The following R3HDM1 variants were observed in gnomAD, a reference collection of about 807,000 sequenced individuals.
R3HDM1 encodes the protein R3H domain containing 1.
In R3HDM1, 46 loss-of-function variants were observed where a neutral mutation model predicts 141.1. That is an observed-to-expected ratio of 0.33 (90% CI 0.26 to 0.42). The LOEUF (loss-of-function observed/expected upper bound fraction) is 0.42. R3HDM1 is among the 10% of genes least tolerant of loss of function. R3HDM1 has a pLI of 1.00. For synonymous variants in R3HDM1, 435 were observed against 472.9 expected, an observed-to-expected ratio of 0.92 and a Z score of 1.04; for missense variants, 1,184 against 1,368.3, an observed-to-expected ratio of 0.87 and a Z score of 2.12.
intron 1 of R3HDM1, among the ~76,000 whole-genome samples, chr2:135,575,200 C>A (rs911852453): frequency 2.0e-5 from 3 of 152,138 alleles, no homozygotes; most frequent in Admixed American, 2.0e-4. Context: ...ATTCAAAATA[C>A]CTCGACCCAA....
chr2:135,622,212 T>C, intron 6 of R3HDM1: 1 of 984,764 alleles, frequency 1.0e-6, no homozygotes, highest in Non-Finnish European at 1.2e-6. Flanking sequence ...CTTTCACAAC[T>C]AAAATTTCTA....
At chr2:135,595,108 T>A (rs1710323749) in intron 1 of R3HDM1, among the ~76,000 whole-genome samples, 1 of 152,188 alleles carries the variant, frequency 6.6e-6, no homozygotes, top group Admixed American at 6.5e-5. Flanking sequence ...TCCAAGTCTA[T>A]ATATCCAATT....
intron 18 of R3HDM1, among the ~76,000 whole-genome samples, chr2:135,653,725 C>T (rs1040076206): frequency 7.9e-5 from 12 of 152,084 alleles, no homozygotes; most frequent in South Asian, 6.2e-4. Context: ...GACACAGTGG[C>T]TTATGCCTGT....
intron 1 of R3HDM1, among the ~76,000 whole-genome samples, chr2:135,576,199 A>G (rs1705379312): frequency 6.6e-6 from 1 of 151,972 alleles, no homozygotes; most frequent in Non-Finnish European, 1.5e-5. Context: ...GCAGTTTGAG[A>G]CCACCCTGGA....
intron 18 of R3HDM1, among the ~76,000 whole-genome samples, chr2:135,657,455 C>G (rs2066067971): frequency 6.6e-6 from 1 of 151,398 alleles, no homozygotes; most frequent in Admixed American, 6.6e-5. Flanking sequence ...AGGAAAATAC[C>G]TAAACTCAGG....
At position 135,668,079 on chromosome 2, in the gene R3HDM1, A is replaced by G. The variant is rs2067799626; in HGVS notation, c.2152+6686A>G. Among the ~76,000 whole-genome samples, 3 of 152,142 alleles carry G rather than the reference A, an allele frequency of 2.0e-5. 1 individual carries two copies. The South Asian group carries it at 6.2e-4, about 32-fold the overall frequency. ...TATGTTAACAATTATTTTATTAATG[A>G]TTTTGTCTTACATAGGCAAGAGTAA... On this transcript the variant is annotated intron_variant, in intron 19 of 26. Coordinates refer to ENST00000683871, the MANE Select transcript of R3HDM1 (RefSeq NM_001378107.1).
chr2:135,655,480 C>CT (rs917886251), intron 18 of R3HDM1, among the ~76,000 whole-genome samples: 6 of 150,970 alleles, frequency 4.0e-5, no homozygotes, highest in Admixed American at 2.6e-4. Flanking sequence ...TTTTCTTTTT[C>CT]TTTTTTTTGT....
intron 18 of R3HDM1, among the ~76,000 whole-genome samples, chr2:135,656,141 AC>A (rs2065860695): frequency 7.2e-6 from 1 of 138,008 alleles, no homozygotes; most frequent in African/African-American, 3.2e-5. Flanking sequence ...ATTGACTCAT[AC>A]ATACATTTTT....
chr2:135,671,813 T>C (rs1197661646), intron 19 of R3HDM1, among the ~76,000 whole-genome samples: 1 of 151,658 alleles, frequency 6.6e-6, no homozygotes, highest in African/African-American at 2.4e-5. Context: ...CTGTCTATAC[T>C]AAAAATACAA....
At chr2:135,557,776 CT>C (rs972846946) in intron 1 of R3HDM1, among the ~76,000 whole-genome samples, 26 of 152,244 alleles carry the variant, frequency 1.7e-4, no homozygotes, top group Admixed American at 1.2e-3. Context: ...GGAAGTGGAA[CT>C]TAACTGCCAG....
chr2:135,630,291 A>C (rs2062547828), intron 7 of R3HDM1, among the ~76,000 whole-genome samples: 3 of 144,666 alleles, frequency 2.1e-5, no homozygotes, highest in Admixed American at 6.7e-5. Context: ...CAAAAAAAAA[A>C]AAAAAAAAAA....
At chr2:135,595,373 CTA>C (rs1710407472) in intron 1 of R3HDM1, among the ~76,000 whole-genome samples, 1 of 152,184 alleles carries the variant, frequency 6.6e-6, no homozygotes, top group Non-Finnish European at 1.5e-5. Flanking sequence ...TTATATTAAT[CTA>C]TTCATTTCTA....
chr2:135,588,030 C>T (rs1708332683), intron 1 of R3HDM1, among the ~76,000 whole-genome samples: 1 of 151,412 alleles, frequency 6.6e-6, no homozygotes, highest in South Asian at 2.1e-4. Flanking sequence ...CTAAATCTAT[C>T]TTAATCTCTC....
At chr2:135,561,303 T>C in intron 1 of R3HDM1, 2 of 985,292 alleles carry the variant, frequency 2.0e-6, no homozygotes, top group Non-Finnish European at 2.4e-6. Context: ...GGTTCCAATT[T>C]TGCCTTCGGA....
At chr2:135,637,597 A>G (rs1369833035) in intron 11 of R3HDM1, among the ~76,000 whole-genome samples, 1 of 152,142 alleles carries the variant, frequency 6.6e-6, no homozygotes, top group African/African-American at 2.4e-5. Context: ...GCAGTGACCC[A>G]AGATGGCACT....
At chr2:135,631,034 T>A (rs1165054992) in intron 7 of R3HDM1, among the ~76,000 whole-genome samples, 1 of 152,180 alleles carries the variant, frequency 6.6e-6, no homozygotes, top group Non-Finnish European at 1.5e-5. Context: ...TAGATTTTTA[T>A]GGGAAAATTT....
chr2:135,702,722 A>C (rs2164917), intron 21 of R3HDM1, among the ~76,000 whole-genome samples: 149,892 of 151,212 alleles, frequency 0.99, 74,303 homozygotes, highest in Middle Eastern at 1. Context: ...GAGGCTGAGG[A>C]AAGAGAATCA....
intron 1 of R3HDM1, among the ~76,000 whole-genome samples, chr2:135,575,763 CA>C (rs1343788267): frequency 6.6e-6 from 1 of 152,070 alleles, no homozygotes. Flanking sequence ...ATACTTAAGT[CA>C]TAAAATTAGA....
chr2:135,626,465 G>T (rs2062066042), intron 7 of R3HDM1, among the ~76,000 whole-genome samples: 1 of 152,150 alleles, frequency 6.6e-6, no homozygotes, highest in South Asian at 2.1e-4. Flanking sequence ...TCAGTGGGTT[G>T]AGTAATAAGT....
Sources: allele counts gnomAD v4.1 joint callset (sites outside exome capture counted in the v4.1 genomes callset), GRCh38; gene constraint gnomAD v4.1.1; transcripts MANE v1.5; gene names NCBI Gene and HGNC (gene_info 2026-07-23, HGNC 2026-07-21).